The following MTUS2 variants were observed in gnomAD, a reference collection of about 807,000 sequenced individuals.
MTUS2 encodes the protein microtubule-associated tumor suppressor candidate 2.
Under a neutral mutation model 114.1 loss-of-function variants are expected in MTUS2, and 40 were observed. That is an observed-to-expected ratio of 0.35 (90% confidence interval 0.27 to 0.46). The LOEUF (loss-of-function observed/expected upper bound fraction) is 0.46, where lower values mean the gene tolerates loss of function less well. Among genes scored for constraint, MTUS2 ranks in the 20% least tolerant of loss-of-function variants. MTUS2 has a pLI of 1.00. For synonymous variants in MTUS2, 688 were observed against 672.0 expected, an observed-to-expected ratio of 1.02 and a Z score of -0.37; for missense variants, 1,679 against 1,705.4, an observed-to-expected ratio of 0.98 and a Z score of 0.27.
intron 8 of MTUS2, among the ~76,000 whole-genome samples, chr13:29,428,440 G>T (rs1876716058): frequency 6.6e-6 from 1 of 152,234 alleles, no homozygotes; most frequent in African/African-American, 2.4e-5. Flanking sequence ...GCCAGGGGAG[G>T]GCTGGGAGCG....
intron 12 of MTUS2, among the ~76,000 whole-genome samples, chr13:29,494,900 T>C (rs1488361931): frequency 6.6e-6 from 1 of 151,708 alleles, no homozygotes; most frequent in Non-Finnish European, 1.5e-5. Flanking sequence ...ATTAGTCGGA[T>C]GTGGGTCAGG....
At chr13:29,161,188 G>T (rs567266279) in intron 5 of MTUS2, among the ~76,000 whole-genome samples, 1 of 152,284 alleles carries the variant, frequency 6.6e-6, no homozygotes, top group South Asian at 2.1e-4. Flanking sequence ...ATGAGTTTAG[G>T]TAAAAACAGG....
At chr13:28,919,213 C>T (rs1272231235) in intron 2 of MTUS2, among the ~76,000 whole-genome samples, 1 of 152,068 alleles carries the variant, frequency 6.6e-6, no homozygotes, top group African/African-American at 2.4e-5. Flanking sequence ...CTTTTTCTTT[C>T]AGATTGAATA....
intron 8 of MTUS2, among the ~76,000 whole-genome samples, chr13:29,370,185 A>G (rs867548797): frequency 1.3e-5 from 2 of 151,654 alleles, no homozygotes; most frequent in South Asian, 4.2e-4. Context: ...CCTCATCTCT[A>G]AAAGAGAGAG....
chr13:29,219,989 G>A (rs985881620), intron 5 of MTUS2, among the ~76,000 whole-genome samples: 3 of 150,500 alleles, frequency 2.0e-5, no homozygotes, highest in Admixed American at 2.0e-4. Flanking sequence ...GTGTTCACTG[G>A]AACAGCACTT....
intron 7 of MTUS2, among the ~76,000 whole-genome samples, chr13:29,339,353 G>A (rs1280633546): frequency 6.6e-6 from 1 of 152,172 alleles, no homozygotes; most frequent in Non-Finnish European, 1.5e-5. Flanking sequence ...TCTCCTGATG[G>A]GCTTGAAAGC....
intron 1 of MTUS2, among the ~76,000 whole-genome samples, chr13:28,826,161 T>A (rs899245253): frequency 2.6e-5 from 4 of 152,202 alleles, no homozygotes; most frequent in African/African-American, 4.8e-5. Flanking sequence ...CCAAGCACTT[T>A]TCAAGCTCTT....
intron 2 of MTUS2, among the ~76,000 whole-genome samples, chr13:29,019,721 G>A (rs937651311): frequency 1.3e-5 from 2 of 152,220 alleles, no homozygotes; most frequent in African/African-American, 2.4e-5. Flanking sequence ...GTGGTTAGAA[G>A]TAGAAGAGAA....
Position 28,822,567 on chromosome 13 carries a change from C to T in MTUS2, c.-316+1956C>T, listed in dbSNP as rs1475516727. 4.6e-5 allele frequency among the ~76,000 whole-genome samples: 7 copies of T among 152,148 alleles called. No individual in the cohort carries two copies. The East Asian group carries it at 1.2e-3, about 25-fold the overall frequency. On this transcript the variant is annotated intron_variant, in intron 1 of 15. Transcript: ENST00000612955. ...CTTTCTATCTCCAGCAGAGGCAGATCGACTGGGGAGCTAATGAACCTAAGC... is the reference window on the plus strand; with the variant it reads ...CTTTCTATCTCCAGCAGAGGCAGATTGACTGGGGAGCTAATGAACCTAAGC...
chr13:29,023,010 C>A (rs1236672068), intron 2 of MTUS2, among the ~76,000 whole-genome samples: 1 of 151,978 alleles, frequency 6.6e-6, no homozygotes, highest in Non-Finnish European at 1.5e-5. Context: ...TTTTTTAATT[C>A]TTCAAAGTGA....
intron 8 of MTUS2, among the ~76,000 whole-genome samples, chr13:29,390,288 G>T (rs926453856): frequency 6.6e-6 from 1 of 151,752 alleles, no homozygotes; most frequent in African/African-American, 2.4e-5. Flanking sequence ...GAGGGTCAAG[G>T]GTGGCTTATG....
At chr13:29,327,113 C>T (rs764024427) in intron 7 of MTUS2, among the ~76,000 whole-genome samples, 36 of 151,028 alleles carry the variant, frequency 2.4e-4, no homozygotes, top group Non-Finnish European at 4.7e-4. Context: ...TTCCAAAGTA[C>T]ACTCCTAAAA....
rs111977236 is a variant in MTUS2 at position 28,951,655 on chromosome 13, T to G, written c.-242-72802T>G. The stretch of plus-strand genomic sequence containing the variant: ...TTCTACTAAAAATACAAAAATGTGC[T>G]GGGTGTGGTGGTGCACGCCTGTAGT... On this transcript the variant is annotated intron_variant, in intron 2 of 15. Coordinates refer to ENST00000612955, the MANE Select transcript of MTUS2 (RefSeq NM_001033602.4). 8.6e-3 allele frequency among the ~76,000 whole-genome samples: 1,301 copies of G among 152,130 alleles called. 20 individuals are homozygous for G. The highest frequency in any genetic ancestry group is 0.029 in the African/African-American group (1,186 of 41,492).
At chr13:29,501,045 C>T in intron 14 of MTUS2, 52 bp from the exon 15 acceptor site, 1 of 1,482,024 alleles carries the variant, frequency 6.7e-7, no homozygotes, top group Non-Finnish European at 9.4e-7. Context: ...CACCGGTTTA[C>T]TCCCGATTTT....
Position 29,330,377 on chromosome 13 carries a change from C to T in MTUS2, c.2905+5666C>T, listed in dbSNP as rs138055279. On this transcript the variant is annotated intron_variant, in intron 7 of 15. Transcript: ENST00000612955. ...TAGATTGCCAAAATTTTCTCCCATT[C>T]TGTTGGTTGCCTGTTCACTCTGATG... Among the ~76,000 whole-genome samples, 708 of 152,256 alleles carry T rather than the reference C, an allele frequency of 4.7e-3. 6 individuals are homozygous for T. Among genetic ancestry groups the T allele is most frequent in the African/African-American group, 0.016 (662 of 41,544 alleles).
intron 2 of MTUS2, among the ~76,000 whole-genome samples, chr13:28,856,227 G>A (rs1000521687): frequency 6.6e-6 from 1 of 152,224 alleles, no homozygotes; most frequent in African/African-American, 2.4e-5. Flanking sequence ...AAATGTGTCT[G>A]TGTGCTCCAG....
rs538883572 is a variant in MTUS2 at position 28,969,661 on chromosome 13, C to T, written c.-242-54796C>T. Reference sequence around the variant, plus strand: ...GGGATTACAGGTACGTGCAGCACCACGCCCAGCTAATTTTTGTATTTTTAG... The same window carrying T: ...GGGATTACAGGTACGTGCAGCACCATGCCCAGCTAATTTTTGTATTTTTAG... On this transcript the variant is annotated intron_variant, in intron 2 of 15. Coordinates refer to ENST00000612955, the MANE Select transcript of MTUS2 (RefSeq NM_001033602.4). Among the ~76,000 whole-genome samples the T allele has an allele frequency of 2.5e-4, 38 of 152,104 alleles. No individual in the cohort carries two copies. The East Asian group carries it at 5.2e-3, about 21-fold the overall frequency.
intron 3 of MTUS2, among the ~76,000 whole-genome samples, chr13:29,033,165 G>A (rs1455024381): frequency 2.6e-5 from 4 of 152,162 alleles, no homozygotes; most frequent in Non-Finnish European, 5.9e-5. Flanking sequence ...GCTAGACATT[G>A]TTTTTGGTGC....
chr13:29,116,986 G>C (rs558380697), intron 5 of MTUS2, among the ~76,000 whole-genome samples: 1 of 152,320 alleles, frequency 6.6e-6, no homozygotes, highest in Admixed American at 6.5e-5. Context: ...CAAGTTGACT[G>C]CAAGTATAGT....
Sources: allele counts gnomAD v4.1 joint callset (sites outside exome capture counted in the v4.1 genomes callset), GRCh38; gene constraint gnomAD v4.1.1; transcripts MANE v1.5; gene names NCBI Gene and HGNC (gene_info 2026-07-23, HGNC 2026-07-21).